OSBPL10: variants seen among roughly 807,000 people sequenced by gnomAD.
OSBPL10 encodes oxysterol binding protein like 10, also known as oxysterol-binding protein-related protein 10.
In OSBPL10, 49 loss-of-function variants were observed where a neutral mutation model predicts 81.7. The observed-to-expected ratio is 0.60, with a 90% confidence interval of 0.48 to 0.76. OSBPL10 has a LOEUF of 0.76. Among genes scored for constraint, OSBPL10 ranks in the 30% least tolerant of loss-of-function variants. The pLI is 0.00. For synonymous variants in OSBPL10, 419 were observed against 383.6 expected (o/e 1.09, Z -1.08); for missense variants, 923 against 987.8 (o/e 0.93, Z 0.88).
chr3:32,072,299 A>G (rs1268056461), intron 1 of OSBPL10, among the ~76,000 whole-genome samples: 11 of 152,230 alleles, frequency 7.2e-5, no homozygotes. Flanking sequence ...AAAAGGCATC[A>G]GATCCCATTG....
chr3:32,036,924 A>T (rs1559553119), intron 2 of OSBPL10, among the ~76,000 whole-genome samples: 1 of 152,154 alleles, frequency 6.6e-6, no homozygotes, highest in Non-Finnish European at 1.5e-5. Context: ...CCTCATTCTA[A>T]CCAAGCAACT....
At chr3:31,870,547 C>A (rs1380386838) in intron 3 of OSBPL10, among the ~76,000 whole-genome samples, 1 of 152,254 alleles carries the variant, frequency 6.6e-6, no homozygotes, top group Non-Finnish European at 1.5e-5. Context: ...AGCCCCGGTG[C>A]GGGATCCACT....
At chr3:31,985,100 G>A (rs530761071), upstream of OSBPL10, among the ~76,000 whole-genome samples, 14 of 152,246 alleles carry the variant, frequency 9.2e-5, no homozygotes, top group South Asian at 2.5e-3. Context: ...TTAGCTGGGC[G>A]TGGTCATACA....
At chr3:31,877,365 C>A (rs973469091) in intron 2 of OSBPL10, among the ~76,000 whole-genome samples, 1 of 152,092 alleles carries the variant, frequency 6.6e-6, no homozygotes, top group Non-Finnish European at 1.5e-5. Flanking sequence ...CTTAGAGAGC[C>A]TCAAATTTCC....
At chr3:31,768,170 C>T (rs1280899097) in intron 4 of OSBPL10, among the ~76,000 whole-genome samples, 5 of 152,082 alleles carry the variant, frequency 3.3e-5, no homozygotes, top group East Asian at 1.9e-4. Flanking sequence ...ACTGTCATGG[C>T]GCTGGTGGGA....
At chr3:31,807,159 C>A (rs1003246320) in intron 4 of OSBPL10, among the ~76,000 whole-genome samples, 1 of 152,018 alleles carries the variant, frequency 6.6e-6, no homozygotes, top group Non-Finnish European at 1.5e-5. Context: ...GCGGGTGGCT[C>A]ACTTGAGGTC....
intron 1 of OSBPL10, among the ~76,000 whole-genome samples, chr3:31,969,040 A>T (rs937264416): frequency 2.6e-5 from 4 of 152,218 alleles, no homozygotes; most frequent in African/African-American, 9.6e-5. Flanking sequence ...GCTGCAGTAC[A>T]CACACAAAAA....
At chr3:32,027,825 T>A (rs1699431122) in intron 2 of OSBPL10, among the ~76,000 whole-genome samples, 1 of 152,160 alleles carries the variant, frequency 6.6e-6, no homozygotes, top group African/African-American at 2.4e-5. Context: ...GTGTTCAGAC[T>A]TTAAGCAAGA....
At chr3:31,756,365 C>T (rs796340199) in intron 4 of OSBPL10, among the ~76,000 whole-genome samples, 6 of 152,286 alleles carry the variant, frequency 3.9e-5, no homozygotes, top group African/African-American at 1.4e-4. Flanking sequence ...ATCTGGAAAC[C>T]AGCTTTTTTG....
chr3:31,990,352 T>C, intron 2 of OSBPL10: 1 of 1,614,032 alleles, frequency 6.2e-7, no homozygotes. Flanking sequence ...TGAAGAGAGA[T>C]CTTACAAGTG....
chr3:31,969,616 A>C (rs1698494763), intron 1 of OSBPL10: 1 of 152,188 alleles, frequency 6.6e-6, no homozygotes, highest in South Asian at 2.1e-4. Context: ...ATGAGGTCGG[A>C]TTACTTGAGG....
chr3:32,067,975 T>G (rs926238662), intron 1 of OSBPL10, among the ~76,000 whole-genome samples: 1 of 152,158 alleles, frequency 6.6e-6, no homozygotes, highest in African/African-American at 2.4e-5. Context: ...AAGAGACCAG[T>G]TCCCTGTCCT....
intron 2 of OSBPL10, among the ~76,000 whole-genome samples, chr3:32,034,470 A>G (rs539628464): frequency 1.3e-5 from 2 of 150,824 alleles, no homozygotes; most frequent in East Asian, 3.9e-4. Flanking sequence ...ATTTTCTACC[A>G]AATGTAAATA....
intron 1 of OSBPL10, among the ~76,000 whole-genome samples, chr3:32,067,156 A>G (rs1699786782): frequency 6.6e-6 from 1 of 152,190 alleles, no homozygotes; most frequent in Admixed American, 6.5e-5. Flanking sequence ...AAATCTTCAG[A>G]TGAGATGTTG....
intron 1 of OSBPL10, among the ~76,000 whole-genome samples, chr3:31,893,595 T>C (rs189088924): frequency 3.9e-5 from 6 of 152,380 alleles, no homozygotes; most frequent in Admixed American, 2.0e-4. Flanking sequence ...GTTAAAGCAG[T>C]ATTATTCATA....
chr3:31,856,555 T>C (rs1575585396), intron 3 of OSBPL10, among the ~76,000 whole-genome samples: 1 of 152,258 alleles, frequency 6.6e-6, no homozygotes, highest in African/African-American at 2.4e-5. Context: ...TCGGAATCTA[T>C]TCCCCCAAAG....
In OSBPL10 at chr3:31,980,921, G is replaced by T; in HGVS notation, c.259C>A (p.Leu87Ile). ...LEGVLSKYTN[L>I]LQGWQNRYFV... ...TACCTGTTCTGCCAGCCCTGGAGGAGGTTGGTGTATTTGCTGAGCACGCCC... is the reference window on the plus strand; with the variant it reads ...TACCTGTTCTGCCAGCCCTGGAGGATGTTGGTGTATTTGCTGAGCACGCCC... The change falls in exon 1 of 12, where the codon CTC becomes ATC. Residue 87 changes from leucine (L) to isoleucine (I), a missense_variant. By Grantham distance (5) the Leu-to-Ile change is conservative (BLOSUM62 2). This residue lies in a region of OSBPL10 where 514 missense variants were observed against 508.0 expected (regional missense o/e 1.01). Transcript: ENST00000396556. The T allele has an allele frequency of 6.3e-7, 1 of 1,580,892 alleles. No individual in the cohort carries two copies. The highest frequency in any genetic ancestry group is 8.6e-7 in the Non-Finnish European group (1 of 1,166,862).
At chr3:31,689,687 T>A (rs1700894555) in intron 7 of OSBPL10, among the ~76,000 whole-genome samples, 1 of 152,206 alleles carries the variant, frequency 6.6e-6, no homozygotes, top group Non-Finnish European at 1.5e-5. Flanking sequence ...TGAGAGCTGA[T>A]GGTTTTATAA....
intron 1 of OSBPL10, among the ~76,000 whole-genome samples, chr3:31,896,392 G>T (rs1696058252): frequency 6.6e-6 from 1 of 152,160 alleles, no homozygotes; most frequent in Non-Finnish European, 1.5e-5. Flanking sequence ...TGCAAAGGAT[G>T]GTACAGTTTC....
Sources: gnomAD v4.1 joint callset for allele counts (sites outside exome capture counted in the v4.1 genomes callset) on GRCh38, gnomAD v4.1.1 for gene constraint, gnomAD v4.1.1 regional missense constraint, MANE v1.5 for transcripts, NCBI Gene and HGNC (gene_info 2026-07-23, HGNC 2026-07-21) for gene names.